WDR91: variants seen among roughly 807,000 people sequenced by gnomAD.
WDR91 encodes WD repeat-containing protein 91.
A neutral mutation model predicts 88.4 loss-of-function variants in WDR91; 52 were observed. That is an observed-to-expected ratio of 0.59 (90% CI 0.47 to 0.74). The LOEUF is 0.74. WDR91 is among the 30% of genes least tolerant of loss of function. WDR91 has a pLI of 0.00. For synonymous variants in WDR91, 362 were observed against 389.5 expected (o/e 0.93, Z 0.83); for missense variants, 824 against 954.5 (o/e 0.86, Z 1.80).
At chr7:135,199,227 T>C (rs996891376) in intron 6 of WDR91, 7 of 152,148 alleles carry the variant, frequency 4.6e-5, no homozygotes, top group African/African-American at 1.7e-4. Flanking sequence ...TAAAAGAAAA[T>C]TTTAAAGGAC....
In WDR91 at chr7:135,186,286, G is replaced by A. The variant is rs1415366792; in HGVS notation, c.2109C>T (p.Ser703=). Reference sequence around the variant, plus strand: ...CTCGGTGGCCACCTAGGCTCAAGCAGCTCTCCAGAACCTTCTCATCGCCAC... The same window carrying A: ...CTCGGTGGCCACCTAGGCTCAAGCAACTCTCCAGAACCTTCTCATCGCCAC... ...KLGGDEKVLE[S]CLSLGGHRAP... is the part of the protein sequence containing the mutation. Residue 703 remains serine, a synonymous_variant, in exon 15 of 15, where the codon AGC becomes AGT. Coordinates refer to ENST00000354475, the MANE Select transcript of WDR91 (RefSeq NM_014149.4). The A allele has an allele frequency of 6.2e-7, 1 of 1,612,858 alleles. No homozygotes were observed. Among genetic ancestry groups the A allele is most frequent in the Non-Finnish European group, 8.5e-7 (1 of 1,179,526 alleles).
At chr7:135,193,795 G>T in intron 9 of WDR91, 123 bp from the exon 10 acceptor site, 1 of 728,946 alleles carries the variant, frequency 1.4e-6, no homozygotes, top group Non-Finnish European at 2.4e-6. Flanking sequence ...TACGCATCCA[G>T]GCAGTTCAGG....
chr7:135,206,181 G>A, intron 4 of WDR91, 123 bp from the exon 5 acceptor site: 3 of 1,273,762 alleles, frequency 2.4e-6, no homozygotes, highest in East Asian at 2.3e-5. Flanking sequence ...CAGCGTCAAG[G>A]GGCCCATCTC....
chr7:135,211,373 C>A lies in WDR91; in HGVS notation c.123+7G>T. 1.2e-6 allele frequency: 2 copies of A among 1,606,124 alleles called. No individual in the cohort carries two copies. Among genetic ancestry groups the A allele is most frequent in the Non-Finnish European group, 1.7e-6 (2 of 1,176,726 alleles). On this transcript the variant is annotated splice_region_variant and intron_variant, in intron 1 of 14. Coordinates refer to ENST00000354475, the MANE Select transcript of WDR91 (RefSeq NM_014149.4). Reference sequence around the variant, plus strand: ...CTCTGCCCGCGCCGCTCCCGCCGGCCTCTCACCCGGAACCCCTTCTCCTTG... The same window carrying A: ...CTCTGCCCGCGCCGCTCCCGCCGGCATCTCACCCGGAACCCCTTCTCCTTG...
At chr7:135,195,134 C>T in intron 8 of WDR91, 50 bp from the exon 9 acceptor site, 1 of 1,577,564 alleles carries the variant, frequency 6.3e-7, no homozygotes, top group Non-Finnish European at 8.6e-7. Context: ...CAGTCCCCAT[C>T]CTCTTCTGCT....
chr7:135,186,235 G>A lies in WDR91; in HGVS notation c.2160C>T (p.Ser720=), dbSNP rs1830934189. Reference sequence around the variant, plus strand: ...GGCAGGTCCCACAGTCCATGGCAGTGCTCCAGTCCACGGTGACCACAGGGG... The same window carrying A: ...GGCAGGTCCCACAGTCCATGGCAGTACTCCAGTCCACGGTGACCACAGGGG... The part of the protein sequence containing the change: ...HRAPVVTVDW[S]TAMDCGTCLT... The change falls in exon 15 of 15, where the codon AGC becomes AGT. Residue 720 remains serine, a synonymous_variant. Coordinates refer to ENST00000354475, the MANE Select transcript of WDR91 (RefSeq NM_014149.4). 1.4e-5 allele frequency: 23 copies of A among 1,611,290 alleles called. No homozygotes were observed. Among genetic ancestry groups the A allele is most frequent in the Non-Finnish European group, 2.0e-5 (23 of 1,178,886 alleles).
rs768650952 is a variant in WDR91, at chr7:135,196,301, C to T, written c.1087G>A (p.Ala363Thr). The change falls in exon 8 of 15, where the codon GCT becomes ACT. Residue 363 changes from alanine to threonine, a missense_variant. Physicochemically the swap from Ala to Thr is moderately conservative, Grantham distance 58. Coordinates refer to ENST00000354475, the MANE Select transcript of WDR91 (RefSeq NM_014149.4). This position sits in a 1 kb window ranked among gnomAD's most constrained non-coding sequence, Gnocchi z 4.2. ...GTGTGGAGCTCTGGGCAGGGCTCAGCCTCTGGGCCACTGGCTTCTGGTTTC... is the reference window on the plus strand; with the variant it reads ...GTGTGGAGCTCTGGGCAGGGCTCAGTCTCTGGGCCACTGGCTTCTGGTTTC... ...EKKPEASGPE[A>T]EPCPELHTEP... 3.8e-6 allele frequency: 6 copies of T among 1,589,770 alleles called. No individual in the cohort carries two copies. The South Asian group carries it at 6.8e-5, about 18-fold the overall frequency.
At chr7:135,203,465 A>G (rs1455128272) in intron 6 of WDR91, among the ~76,000 whole-genome samples, 1 of 152,246 alleles carries the variant, frequency 6.6e-6, no homozygotes, top group East Asian at 1.9e-4. Flanking sequence ...AATGTCTGCT[A>G]GTTAAACTAG....
At chr7:135,203,831 G>A (rs923630628) in intron 6 of WDR91, among the ~76,000 whole-genome samples, 15 of 152,222 alleles carry the variant, frequency 9.9e-5, no homozygotes, top group Non-Finnish European at 1.9e-4. Flanking sequence ...ACAGACTTCA[G>A]AGAACTGGCA....
chr7:135,210,658 T>G (rs934848986), intron 1 of WDR91, among the ~76,000 whole-genome samples: 6 of 152,226 alleles, frequency 3.9e-5, no homozygotes, highest in African/African-American at 1.4e-4. Flanking sequence ...ATCAGGCCAC[T>G]GAAGCCCAGA....
rs1375077753 is a variant in WDR91, at chr7:135,209,718, T to C, written c.161A>G (p.Gln54Arg). The C allele has an allele frequency of 6.2e-7, 1 of 1,610,614 alleles. No homozygotes were observed. Among genetic ancestry groups the C allele is most frequent in the Non-Finnish European group, 8.5e-7 (1 of 1,178,618 alleles). Reference sequence around the variant, plus strand: ...CCGAAGGGCAGCCAAGTCATACACCTGCATTAACTGCTGCAGCTGGTCCAC... The same window carrying C: ...CCGAAGGGCAGCCAAGTCATACACCCGCATTAACTGCTGCAGCTGGTCCAC... ...KIVDQLQQLM[Q>R]VYDLAALRDY... is the part of the protein sequence containing the mutation. Residue 54 changes from glutamine to arginine, a missense_variant, in exon 2 of 15, where the codon CAG becomes CGG. Physicochemically the swap from Gln to Arg is conservative, Grantham distance 43 (BLOSUM62 1). Transcript: ENST00000354475.
intron 6 of WDR91, 84 bp from the exon 7 acceptor site, chr7:135,198,235 G>A (rs549556742): frequency 2.2e-5 from 32 of 1,478,804 alleles, no homozygotes; most frequent in Middle Eastern, 4.9e-4. Flanking sequence ...AGCCCTGGGC[G>A]GGGGGGCGTG....
At chr7:135,202,634 G>A (rs991320078) in intron 6 of WDR91, among the ~76,000 whole-genome samples, 1 of 152,148 alleles carries the variant, frequency 6.6e-6, no homozygotes, top group Non-Finnish European at 1.5e-5. Flanking sequence ...TCCCACAGAA[G>A]CTGTCTCTAT....
intron 7 of WDR91, chr7:135,197,357 G>C (rs1831412113): frequency 6.6e-6 from 1 of 152,278 alleles, no homozygotes; most frequent in Middle Eastern, 3.1e-3. Context: ...AGTGACTTGG[G>C]CAAGAGAACC....
intron 6 of WDR91, 84 bp from the exon 7 acceptor site, chr7:135,198,235 G>T (rs549556742): frequency 2.0e-6 from 3 of 1,478,802 alleles, no homozygotes; most frequent in Non-Finnish European, 2.7e-6. Flanking sequence ...AGCCCTGGGC[G>T]GGGGGGCGTG....
At position 135,193,466 on chromosome 7, in the gene WDR91, T is replaced by C. The variant is rs539997545; in HGVS notation, c.1491-67A>G. ...ACAGAGGGAGGGTGCACTTTGGTCC[T>C]GAGGCTGGATCCTGCACAGGAGATG... On this transcript the variant is annotated intron_variant, in intron 10 of 14. Transcript: ENST00000354475. 2.9e-5 allele frequency: 46 copies of C among 1,610,010 alleles called. No homozygotes were observed. In the East Asian group the frequency reaches 9.6e-4, roughly 34 times the overall value.
Position 135,195,089 on chromosome 7 carries a change from G to C in WDR91, c.1245-5C>G. ...CTCCTCCCAGAGCAGTCCACTCTGA[G>C]ATGAGAGAAAAGGGAGGCCTGTCAG... On this transcript the variant is annotated splice_polypyrimidine_tract_variant and splice_region_variant and intron_variant, in intron 8 of 14. Coordinates refer to ENST00000354475, the MANE Select transcript of WDR91 (RefSeq NM_014149.4). 6.2e-7 allele frequency: 1 copy of C among 1,611,672 alleles called. No homozygotes were observed.
At position 135,196,175 on chromosome 7, in the gene WDR91, C is replaced by G. The variant is rs377046958; in HGVS notation, c.1213G>C (p.Gly405Arg). The G allele has an allele frequency of 5.0e-6, 8 of 1,586,962 alleles. No homozygotes were observed. Among genetic ancestry groups the G allele is most frequent in the Non-Finnish European group, 6.0e-6 (7 of 1,165,576 alleles). The change falls in exon 8 of 15, where the codon GGG (glycine) becomes CGG (arginine). Residue 405 changes from glycine to arginine, a missense_variant. Gly to Arg is a moderately radical substitution (Grantham distance 125). Transcript: ENST00000354475. The surrounding 1 kb of genome is among the most constrained non-coding windows in gnomAD (Gnocchi z 4.2). Reference sequence around the variant, plus strand: ...TGCATGATGGATGAGTGGTGTTCCCCGTACTCCTCCTGTCCCAGCACAATA... The same window carrying G: ...TGCATGATGGATGAGTGGTGTTCCCGGTACTCCTCCTGTCCCAGCACAATA... ...PFIVLGQEEY[G>R]EHHSSIMHCR...
rs765599605 is a variant in WDR91, at chr7:135,193,584, ATGTTGTCGTTGATAT to A, written c.1469_1483del (p.Asn490_Asn494del). ...GGGGTAGGTTCCAGTTCACCTGGGC[ATGTTGTCGTTGATAT>A]TGATTTCACAGAGATTCTTCTTGGC... On this transcript the variant is annotated inframe_deletion, in exon 10 of 15. Coordinates refer to ENST00000354475, the MANE Select transcript of WDR91 (RefSeq NM_014149.4). 1 of 1,613,988 alleles carries A rather than the reference ATGTTGTCGTTGATAT, an allele frequency of 6.2e-7. No homozygotes were observed.
Sources: allele counts gnomAD v4.1 joint callset (sites outside exome capture counted in the v4.1 genomes callset), GRCh38; gene constraint gnomAD v4.1.1; non-coding constraint Gnocchi (gnomAD v3.1); transcripts MANE v1.5; gene names NCBI Gene and HGNC (gene_info 2026-07-23, HGNC 2026-07-21).